Variants in CPOX observed in about 807,000 individuals in gnomAD.
The protein encoded by CPOX is oxygen-dependent coproporphyrinogen-III oxidase, mitochondrial.
Under a neutral mutation model 48.9 loss-of-function variants are expected in CPOX, and 24 were observed. The observed-to-expected ratio is 0.49, with a 90% CI of 0.36 to 0.69. CPOX has a LOEUF of 0.69. Ranked by LOEUF, CPOX falls within the 30% of genes least tolerant of loss-of-function variation. The pLI is 0.00. For synonymous variants in CPOX, 249 were observed against 234.6 expected (o/e 1.06, Z -0.56); for missense variants, 549 against 597.3 (o/e 0.92, Z 0.84).
At chr3:98,571,726 ATTAG>A in the CPOX span, among the ~76,000 whole-genome samples, 1 of 151,640 alleles carries the variant, frequency 6.6e-6, no homozygotes, top group East Asian at 1.9e-4. Flanking sequence ...AAAACGCTGT[ATTAG>A]TTATGTCTCA....
chr3:98,593,578 G>A lies in CPOX; in HGVS notation c.-74C>T. On this transcript the variant is annotated 5_prime_UTR_variant, in exon 1 of 7. Coordinates refer to ENST00000647941, the MANE Select transcript of CPOX (RefSeq NM_000097.7). ...TTTGAGCCCCCCACCCAGACCCCCG[G>A]AGTATTGAGCCGGCGAGCTGCACAG... 7.0e-7 allele frequency: 1 copy of A among 1,429,714 alleles called. No individual in the cohort carries two copies. Among genetic ancestry groups the A allele is most frequent in the Non-Finnish European group, 9.3e-7 (1 of 1,072,200 alleles). The allele number at this position is 1,429,714 out of a possible 1,614,324, so 88.6% of individuals were successfully genotyped here.
chr3:98,571,513 C>G, the CPOX span, among the ~76,000 whole-genome samples: 2 of 150,130 alleles, frequency 1.3e-5, no homozygotes, highest in African/African-American at 5.0e-5. Flanking sequence ...ACGGTGAAAC[C>G]CCGTCTCTAC....
downstream of CPOX, chr3:98,578,151 G>A (rs1707189536): frequency 6.6e-6 from 4 of 602,608 alleles, no homozygotes; most frequent in South Asian, 7.3e-5. Context: ...ATTAACACCA[G>A]TAAGAAATTG....
chr3:98,588,882 T>C lies in CPOX; in HGVS notation c.812-28A>G, dbSNP rs777948742. 8.7e-6 allele frequency: 14 copies of C among 1,613,796 alleles called. No homozygotes were observed. In the South Asian group the frequency reaches 8.8e-5, roughly 10 times the overall value. ...ACCAAATCAAGACATGGGATTCTAATGTGGACTTTTGAGATTCAGCATTAC... is the reference window on the plus strand; with the variant it reads ...ACCAAATCAAGACATGGGATTCTAACGTGGACTTTTGAGATTCAGCATTAC... On this transcript the variant is annotated intron_variant, in intron 3 of 6. Transcript: ENST00000647941.
chr3:98,585,375 CTAT>C (rs2107119944), intron 5 of CPOX, 63 bp downstream of exon 5: 2 of 1,239,836 alleles, frequency 1.6e-6, no homozygotes, highest in East Asian at 2.3e-5. Context: ...ACAACACCCG[CTAT>C]TATTAAGAGC....
rs7651792 is a variant in CPOX at position 98,581,662 on chromosome 3, A to C, written c.1173-151T>G. ...GGACACCAGCCTACAGCCCATTGAG[A>C]GCTCTCCATCTGGACAGGCAGAAAT... On this transcript the variant is annotated intron_variant, in intron 5 of 6. Coordinates refer to ENST00000647941, the MANE Select transcript of CPOX (RefSeq NM_000097.7). The C allele has an allele frequency of 1.0e-3, 651 of 646,488 alleles. 5 individuals are homozygous for C. In the African/African-American group the frequency reaches 0.011, roughly 11 times the overall value. The allele number at this position is 646,488 out of a possible 1,614,324, so 40.0% of individuals were successfully genotyped here. A position where few individuals can be genotyped will look rare whatever the true frequency, so the allele number is the denominator to read the frequency against.
In CPOX at chr3:98,593,101, A is replaced by G. The variant is rs201826432; in HGVS notation, c.404T>C (p.Val135Ala). 2.9e-5 allele frequency: 47 copies of G among 1,613,694 alleles called. No individual in the cohort carries two copies. Among genetic ancestry groups the G allele is most frequent in the Non-Finnish European group, 3.8e-5 (45 of 1,179,966 alleles). ...CCTTCGCAGCTCGCCCAGGTCGGTC[A>G]CAGGCGGGGCCATGAAGCTGCTGCA... ...HRCSSFMAPP[V>A]TDLGELRRRP... is the part of the protein sequence containing the mutation. The change falls in exon 1 of 7, where the codon GTG (valine) becomes GCG (alanine). Residue 135 changes from valine to alanine, a missense_variant. By Grantham distance (64) the Val-to-Ala change is moderately conservative (BLOSUM62 0). Around this residue, in one of 2 missense-constraint regions of CPOX, gnomAD observed 336 missense variants for 318.1 expected, o/e 1.06. Coordinates refer to ENST00000647941, the MANE Select transcript of CPOX (RefSeq NM_000097.7).
downstream of CPOX, among the ~76,000 whole-genome samples, chr3:98,578,871 T>C (rs552564437): frequency 5.3e-5 from 8 of 152,374 alleles, no homozygotes; most frequent in South Asian, 1.4e-3. Flanking sequence ...TTTTCAACTA[T>C]TGAATAAAGC....
chr3:98,590,743 C>G lies in CPOX; in HGVS notation c.701-1G>C. On this transcript the variant is annotated splice_acceptor_variant, in intron 2 of 6. Transcript: ENST00000647941. LOFTEE classifies it high-confidence loss of function. The stretch of plus-strand genomic sequence containing the variant: ...CCCATAGCACAAAATGGCAATTTAC[C>G]TGGAAAGTAAAATATGAGTCATGAG... The G allele has an allele frequency of 1.2e-6, 2 of 1,602,436 alleles. No individual in the cohort carries two copies. The highest frequency in any genetic ancestry group is 1.7e-6 in the Non-Finnish European group (2 of 1,169,430).
Position 98,580,616 on chromosome 3 carries a change from C to A in CPOX, c.*67G>T. ...GTAACTGCCACACAGTGGCAAAGTG[C>A]CGACCAGTGGCATGGGGAGCACACA... On this transcript the variant is annotated 3_prime_UTR_variant, in exon 7 of 7. Coordinates refer to ENST00000647941, the MANE Select transcript of CPOX (RefSeq NM_000097.7). 1 of 1,610,008 alleles carries A rather than the reference C, an allele frequency of 6.2e-7. No individual in the cohort carries two copies. Among genetic ancestry groups the A allele is most frequent in the Non-Finnish European group, 8.5e-7 (1 of 1,177,900 alleles).
downstream of CPOX, among the ~76,000 whole-genome samples, chr3:98,575,113 T>C (rs922990879): frequency 2.0e-5 from 3 of 152,218 alleles, no homozygotes; most frequent in Admixed American, 2.0e-4. Flanking sequence ...TAAAGACTTT[T>C]ATTTATGAAA....
chr3:98,585,307 C>A lies in CPOX; in HGVS notation c.1172+134G>T, dbSNP rs1403543414. The A allele has an allele frequency of 9.0e-6, 7 of 776,146 alleles. No homozygotes were observed. The East Asian group carries it at 1.2e-4, about 14-fold the overall frequency. 48.1% of individuals were successfully genotyped at this position (776,146 alleles called of 1,614,324 possible). The stretch of plus-strand genomic sequence containing the variant: ...TTACTTTACACAATGTCTTTTAATT[C>A]ACTTAATATTCATCTATGAAAAGAA... On this transcript the variant is annotated intron_variant, in intron 5 of 6. Coordinates refer to ENST00000647941, the MANE Select transcript of CPOX (RefSeq NM_000097.7).
At chr3:98,576,439 T>C (rs1190469111), downstream of CPOX, among the ~76,000 whole-genome samples, 1 of 152,178 alleles carries the variant, frequency 6.6e-6, no homozygotes, top group African/African-American at 2.4e-5. Context: ...CCTTGACACC[T>C]GGGGATTTGG....
chr3:98,585,814 G>A, intron 4 of CPOX, 155 bp from the exon 5 acceptor site: 1 of 696,252 alleles, frequency 1.4e-6, no homozygotes, highest in Non-Finnish European at 2.6e-6. Flanking sequence ...GAGGACTTTA[G>A]ACAGATAGAT....
In CPOX at chr3:98,581,518, T is replaced by A; in HGVS notation, c.1173-7A>T. On this transcript the variant is annotated splice_region_variant and splice_polypyrimidine_tract_variant and intron_variant, in intron 5 of 6. Transcript: ENST00000647941. ...CAGATTAAATTCTACATACCTGCCA[T>A]AAATACATCAAATAACATTAAGGGC... 6.2e-7 allele frequency: 1 copy of A among 1,602,340 alleles called. No individual in the cohort carries two copies. Among genetic ancestry groups the A allele is most frequent in the Non-Finnish European group, 8.6e-7 (1 of 1,169,388 alleles).
At chr3:98,574,707 G>C (rs1316385957), downstream of CPOX, among the ~76,000 whole-genome samples, 5 of 152,096 alleles carry the variant, frequency 3.3e-5, no homozygotes, top group Admixed American at 3.3e-4. Context: ...TCAGCCTCCT[G>C]AGCTGGGATT....
At chr3:98,575,867 A>G (rs903490672), downstream of CPOX, among the ~76,000 whole-genome samples, 6 of 152,016 alleles carry the variant, frequency 3.9e-5, no homozygotes, top group African/African-American at 1.5e-4. Context: ...CAGGATTTCA[A>G]GACCAGCCTG....
At chr3:98,575,634 A>C (rs901405767), downstream of CPOX, among the ~76,000 whole-genome samples, 4 of 151,342 alleles carry the variant, frequency 2.6e-5, no homozygotes, top group African/African-American at 7.3e-5. Context: ...TCTACTAAAA[A>C]AATACAAAAA....
In CPOX at chr3:98,580,886, T is replaced by A; in HGVS notation, c.1278-116A>T. The A allele has an allele frequency of 5.7e-6, 7 of 1,232,912 alleles. No homozygotes were observed. In the South Asian group the frequency reaches 7.1e-5, roughly 13 times the overall value. 76.4% of individuals were successfully genotyped at this position (1,232,912 alleles called of 1,614,324 possible). A position where few individuals can be genotyped will look rare whatever the true frequency, so the allele number is the denominator to read the frequency against. On this transcript the variant is annotated intron_variant, in intron 6 of 6. Coordinates refer to ENST00000647941, the MANE Select transcript of CPOX (RefSeq NM_000097.7). Reference sequence around the variant, plus strand: ...AATAAAAAAAAAAAAAGCCTTATACTTCTTTGTCTCTACTGTGCCTGATGT... The same window carrying A: ...AATAAAAAAAAAAAAAGCCTTATACATCTTTGTCTCTACTGTGCCTGATGT...
Sources: gnomAD v4.1 joint callset for allele counts (sites outside exome capture counted in the v4.1 genomes callset) on GRCh38, gnomAD v4.1.1 for gene constraint, gnomAD v4.1.1 regional missense constraint, MANE v1.5 for transcripts, NCBI Gene and HGNC (gene_info 2026-07-23, HGNC 2026-07-21) for gene names.